SPTBN1: variants seen among roughly 807,000 people sequenced by gnomAD.
SPTBN1 encodes spectrin beta chain, non-erythrocytic 1.
SPTBN1 carries 32 observed loss-of-function variants against 266.4 expected under a neutral mutation model. The observed-to-expected ratio is 0.12, with a 90% CI of 0.09 to 0.16. The LOEUF (loss-of-function observed/expected upper bound fraction) is 0.16. SPTBN1 is among the 10% of genes least tolerant of loss of function. SPTBN1 has a pLI of 1.00. For missense variants in SPTBN1, 2,296 were observed against 3,067.1 expected (o/e 0.75, Z 5.94); for synonymous variants, 1,336 against 1,162.2 (o/e 1.15, Z -3.04).
intron 1 of SPTBN1, 21 bp downstream of exon 1, chr2:54,456,539 A>G (rs1442702695): frequency 1.3e-5 from 2 of 151,518 alleles, no homozygotes; most frequent in African/African-American, 2.4e-5. Flanking sequence ...GGCCCGAGGC[A>G]GGGAGATGCC....
In SPTBN1 at chr2:54,653,593, C is replaced by T. The variant is rs762875465; in HGVS notation, c.5578-16C>T. ...GCCATGGGCTGACCTGGCTCATCCC[C>T]TACATGGCTTCACAGGTGAGGCAGC... On this transcript the variant is annotated splice_polypyrimidine_tract_variant and intron_variant, in intron 26 of 35. Transcript: ENST00000356805. This position sits in a 1 kb window ranked among gnomAD's most constrained non-coding sequence, Gnocchi z 5.1. 2 of 1,612,556 alleles carry T rather than the reference C, an allele frequency of 1.2e-6. No individual in the cohort carries two copies. The highest frequency in any genetic ancestry group is 1.1e-5 in the South Asian group (1 of 90,960).
chr2:54,655,098 A>C lies in SPTBN1; in HGVS notation c.5851A>C (p.Asn1951His). The C allele has an allele frequency of 6.2e-7, 1 of 1,614,082 alleles. No homozygotes were observed. Among genetic ancestry groups the C allele is most frequent in the South Asian group, 1.1e-5 (1 of 91,060 alleles). The change falls in exon 28 of 36, where the codon AAT (asparagine) becomes CAT (histidine). Residue 1951 changes from asparagine to histidine, a missense_variant. By Grantham distance (68) the Asn-to-His change is moderately conservative (BLOSUM62 1). Around this residue, in one of 12 missense-constraint regions of SPTBN1, gnomAD observed 644 missense variants for 745.3 expected, o/e 0.86. Transcript: ENST00000356805. ...TGTATCATCTGTTGAACTCTTAATG[A>C]ATAATCATCAAGGCATCAAAGCTGA... ...RDVSSVELLM[N>H]NHQGIKAEID...
At chr2:54,484,587 C>T (rs1036445944) in intron 1 of SPTBN1, among the ~76,000 whole-genome samples, 2 of 152,210 alleles carry the variant, frequency 1.3e-5, no homozygotes, top group African/African-American at 4.8e-5. Context: ...GCGTTGATGA[C>T]AAGTGTCTTC....
At position 54,511,163 on chromosome 2, in the gene SPTBN1, G is replaced by A. The variant is rs181011602; in HGVS notation, c.-47-15209G>A. ...ATCTCCTTTGTGGTTCTAAACTTATGGCAATATTTTAGGCACCATCGCTCA... is the reference window on the plus strand; with the variant it reads ...ATCTCCTTTGTGGTTCTAAACTTATAGCAATATTTTAGGCACCATCGCTCA... On this transcript the variant is annotated intron_variant, in intron 1 of 35. Transcript: ENST00000356805. Among the ~76,000 whole-genome samples the A allele has an allele frequency of 7.7e-4, 118 of 152,260 alleles. 2 individuals carry two copies. In the South Asian group the frequency reaches 9.5e-3, roughly 12 times the overall value.
Position 54,666,688 on chromosome 2 carries a change from GA to G in SPTBN1, c.6833+602del, listed in dbSNP as rs374224531. Among the ~76,000 whole-genome samples the G allele has an allele frequency of 3.9e-3, 601 of 152,326 alleles. 3 individuals are homozygous for G. Among genetic ancestry groups the G allele is most frequent in the African/African-American group, 0.014 (568 of 41,564 alleles). ...AGCTCAGAATTTCTCCTCACACTTG[GA>G]AGTAGGCAGAAAAATTATTTTATCT... On this transcript the variant is annotated intron_variant, in intron 34 of 35. Transcript: ENST00000356805.
intron 2 of SPTBN1, among the ~76,000 whole-genome samples, chr2:54,596,111 C>T (rs984211422): frequency 6.6e-6 from 1 of 152,182 alleles, no homozygotes; most frequent in Admixed American, 6.5e-5. Context: ...AACACCTCCT[C>T]ACGCAGCTAG....
At chr2:54,636,280 A>T (rs1458122528) in intron 17 of SPTBN1, among the ~76,000 whole-genome samples, 1 of 152,232 alleles carries the variant, frequency 6.6e-6, no homozygotes, top group African/African-American at 2.4e-5. Context: ...AAAATTAAAA[A>T]GGCATTATTT....
chr2:54,570,406 A>G (rs967402051), intron 2 of SPTBN1, among the ~76,000 whole-genome samples: 1 of 152,214 alleles, frequency 6.6e-6, no homozygotes, highest in Non-Finnish European at 1.5e-5. Flanking sequence ...GCAAGTGGAA[A>G]GTTAATTTGA....
intron 2 of SPTBN1, among the ~76,000 whole-genome samples, chr2:54,592,948 G>A (rs1224054641): frequency 6.6e-6 from 1 of 152,170 alleles, no homozygotes; most frequent in African/African-American, 2.4e-5. Context: ...CTAATAGTTT[G>A]CTGTGAAGAT....
chr2:54,526,263 ATTCTTG>A, intron 1 of SPTBN1, 103 bp from the exon 2 acceptor site: 1 of 867,420 alleles, frequency 1.2e-6, no homozygotes, highest in Non-Finnish European at 1.7e-6. Context: ...CAGAAGACCT[ATTCTTG>A]GCAAGCACTG....
chr2:54,650,155 C>T (rs187202175), intron 26 of SPTBN1, among the ~76,000 whole-genome samples, 166 bp downstream of exon 26: 9 of 152,342 alleles, frequency 5.9e-5, no homozygotes, highest in Non-Finnish European at 8.8e-5. Context: ...GAGAACTTAT[C>T]AGTCCATAAA....
At chr2:54,668,271 C>A in intron 35 of SPTBN1, 80 bp from the exon 36 acceptor site, 1 of 1,404,872 alleles carries the variant, frequency 7.1e-7, no homozygotes, top group Non-Finnish European at 1.0e-6. Flanking sequence ...TGGCCAGATG[C>A]GCCATTCCCA....
Position 54,633,838 on chromosome 2 carries a change from AT to A in SPTBN1, c.3767+1072del, listed in dbSNP as rs1678932863. On this transcript the variant is annotated intron_variant, in intron 17 of 35. Transcript: ENST00000356805. ...GGGGATTACTCTGTTTCCAATAAAG[AT>A]TGAGCTCCTGTCTTTACCACTTCCA... is the stretch of plus-strand genomic sequence containing the variant. Among the ~76,000 whole-genome samples the A allele has an allele frequency of 2.0e-5, 3 of 152,194 alleles. No individual in the cohort carries two copies. The South Asian group carries it at 6.2e-4, about 32-fold the overall frequency.
chr2:54,670,944 T>C lies in SPTBN1; in HGVS notation c.*2375T>C, dbSNP rs1572796796. ...GCTTCAAGCCTGGCAGGGTAAATAG[T>C]TTTTGGGTTTTTTGTTTTTTTTTTA... On this transcript the variant is annotated 3_prime_UTR_variant, in exon 36 of 36. Transcript: ENST00000356805. 1.5e-5 allele frequency: 6 copies of C among 397,266 alleles called. No individual in the cohort carries two copies. The East Asian group carries it at 2.1e-4, about 14-fold the overall frequency. 24.6% of individuals were successfully genotyped at this position (397,266 alleles called of 1,614,324 possible).
At chr2:54,567,738 TA>T (rs1384498621) in intron 2 of SPTBN1, among the ~76,000 whole-genome samples, 1 of 152,100 alleles carries the variant, frequency 6.6e-6, no homozygotes, top group Non-Finnish European at 1.5e-5. Flanking sequence ...TATTTACATT[TA>T]TATATAAATT....
chr2:54,670,419 A>G lies in SPTBN1; in HGVS notation c.*1850A>G. 2.9e-6 allele frequency: 1 copy of G among 339,280 alleles called. No homozygotes were observed. Among genetic ancestry groups the G allele is most frequent in the Non-Finnish European group, 5.3e-6 (1 of 189,154 alleles). 21.0% of individuals were successfully genotyped at this position (339,280 alleles called of 1,614,324 possible). ...CCACAAAGACCATGCCTAAGGTGGC[A>G]TCAGCCCTGGGCTCCACAGCTGCGT... is the stretch of plus-strand genomic sequence containing the variant. On this transcript the variant is annotated 3_prime_UTR_variant, in exon 36 of 36. Transcript: ENST00000356805.
At chr2:54,583,897 AT>A (rs1293065150) in intron 2 of SPTBN1, among the ~76,000 whole-genome samples, 6 of 152,104 alleles carry the variant, frequency 3.9e-5, no homozygotes, top group Non-Finnish European at 7.3e-5. Flanking sequence ...ATCATTTCAT[AT>A]TTTCCCCTTT....
At chr2:54,627,043 A>G (rs1678385767) in intron 12 of SPTBN1, among the ~76,000 whole-genome samples, 1 of 149,092 alleles carries the variant, frequency 6.7e-6, no homozygotes, top group Non-Finnish European at 1.5e-5. Context: ...CAGTCCCATG[A>G]AGCTTCCTTT....
chr2:54,613,024 C>G (rs1232241622), intron 4 of SPTBN1, among the ~76,000 whole-genome samples: 1 of 152,172 alleles, frequency 6.6e-6, no homozygotes, highest in African/African-American at 2.4e-5. Flanking sequence ...AATTTGAAAC[C>G]TTGCCTCTGA....
Sources: allele counts gnomAD v4.1 joint callset (sites outside exome capture counted in the v4.1 genomes callset), GRCh38; gene constraint gnomAD v4.1.1; regional missense constraint gnomAD v4.1.1; non-coding constraint Gnocchi (gnomAD v3.1); transcripts MANE v1.5; gene names NCBI Gene and HGNC (gene_info 2026-07-23, HGNC 2026-07-21).